The following ECM2 variants were observed in gnomAD, a reference collection of about 807,000 sequenced individuals.
ECM2 encodes the protein extracellular matrix protein 2, female organ and adipocyte specific.
A neutral mutation model predicts 67.5 loss-of-function variants in ECM2; 57 were observed. The ratio of observed to expected loss-of-function variants is 0.84; its 90% CI spans 0.68 to 1.05. The LOEUF is 1.05. Among genes scored for constraint, ECM2 ranks in the 50% least tolerant of loss-of-function variants. The probability of loss-of-function intolerance (pLI) is 0.00; values close to 1 mark genes in which losing one functional copy is unlikely to be tolerated. For synonymous variants in ECM2, 258 were observed against 294.5 expected (o/e 0.88, Z 1.27); for missense variants, 741 against 822.8 (o/e 0.90, Z 1.22).
At chr9:92,547,845 G>T in the ECM2 span, among the ~76,000 whole-genome samples, 1 of 152,170 alleles carries the variant, frequency 6.6e-6, no homozygotes, top group Non-Finnish European at 1.5e-5. Context: ...TTTAAATGGT[G>T]AAATACTGAC....
chr9:92,540,653 C>T (rs1300440944), upstream of ECM2, among the ~76,000 whole-genome samples: 1 of 151,498 alleles, frequency 6.6e-6, no homozygotes, highest in Non-Finnish European at 1.5e-5. Context: ...CGCCTGTAGT[C>T]GCAGCTACTC....
chr9:92,551,953 G>GATAT, the ECM2 span, among the ~76,000 whole-genome samples: 1 of 108,136 alleles, frequency 9.2e-6, no homozygotes, highest in African/African-American at 4.4e-5. Context: ...ATATATATAT[G>GATAT]ATATATATAT....
chr9:92,532,029 AT>A (rs201461115), intron 1 of ECM2, among the ~76,000 whole-genome samples: 1 of 91,050 alleles, frequency 1.1e-5, no homozygotes, highest in African/African-American at 5.0e-5. Flanking sequence ...TTTTTTTTTT[AT>A]TTTATTTTTT....
intron 9 of ECM2, among the ~76,000 whole-genome samples, chr9:92,499,443 A>G (rs1247029560): frequency 6.6e-6 from 1 of 152,218 alleles, no homozygotes; most frequent in African/African-American, 2.4e-5. Context: ...GTTACCTCTA[A>G]TGAAATAAGA....
At chr9:92,507,217 C>T (rs1847060993) in intron 6 of ECM2, among the ~76,000 whole-genome samples, 1 of 152,172 alleles carries the variant, frequency 6.6e-6, no homozygotes, top group Non-Finnish European at 1.5e-5. Context: ...TGCTGAGCAA[C>T]AGGAAGTAGC....
chr9:92,556,545 G>A, the ECM2 span, among the ~76,000 whole-genome samples: 4 of 152,178 alleles, frequency 2.6e-5, no homozygotes, highest in Non-Finnish European at 5.9e-5. Flanking sequence ...TTAGAATTGT[G>A]ATATTTTCCT....
chr9:92,531,006 G>A (rs1057348919), intron 1 of ECM2, among the ~76,000 whole-genome samples: 3 of 152,074 alleles, frequency 2.0e-5, no homozygotes, highest in African/African-American at 7.2e-5. Context: ...ATGTTTTGCT[G>A]TCTTTCTATA....
Position 92,514,941 on chromosome 9 carries a change from T to A in ECM2, c.744A>T (p.Gly248=), listed in dbSNP as rs536919590. Reference sequence around the variant, plus strand: ...CCTCTCCAGGCCTCTGCTTTCTGTCTCCTCCTCTGCTGTCCCCCTCACTGT... The same window carrying A: ...CCTCTCCAGGCCTCTGCTTTCTGTCACCTCCTCTGCTGTCCCCCTCACTGT... ...QLYSEGDSRG[G]DRKQRPGEER... The change falls in exon 4 of 10, where the codon GGA becomes GGT. Residue 248 remains glycine (G), a synonymous_variant. Transcript: ENST00000344604. 6.8e-6 allele frequency: 11 copies of A among 1,614,070 alleles called. No homozygotes were observed. In the East Asian group the frequency reaches 2.5e-4, roughly 36 times the overall value.
chr9:92,504,780 C>G (rs1846896376), intron 7 of ECM2, among the ~76,000 whole-genome samples: 1 of 152,196 alleles, frequency 6.6e-6, no homozygotes, highest in Non-Finnish European at 1.5e-5. Flanking sequence ...CTCAAGCCAT[C>G]TTCCTGCCTC....
At chr9:92,558,199 G>A in the ECM2 span, among the ~76,000 whole-genome samples, 3 of 152,098 alleles carry the variant, frequency 2.0e-5, no homozygotes, top group African/African-American at 7.2e-5. Flanking sequence ...TGATTTTTGG[G>A]GGATGCTGAA....
chr9:92,510,913 T>C (rs182307995), intron 5 of ECM2, among the ~76,000 whole-genome samples: 1 of 152,168 alleles, frequency 6.6e-6, no homozygotes, highest in Non-Finnish European at 1.5e-5. Context: ...AGACTCCAGA[T>C]AAGAAACAGG....
At chr9:92,528,791 A>C (rs1324004642) in intron 1 of ECM2, among the ~76,000 whole-genome samples, 1 of 152,232 alleles carries the variant, frequency 6.6e-6, no homozygotes, top group African/African-American at 2.4e-5. Context: ...ATAACTTGAC[A>C]GTGTCTCAGA....
chr9:92,543,534 C>A, the ECM2 span, among the ~76,000 whole-genome samples: 2 of 143,746 alleles, frequency 1.4e-5, no homozygotes, highest in African/African-American at 5.1e-5. Flanking sequence ...TTTTGTGATT[C>A]CTTACGAATT....
chr9:92,557,124 ATTGTT>A, the ECM2 span, among the ~76,000 whole-genome samples: 1 of 152,162 alleles, frequency 6.6e-6, no homozygotes, highest in Non-Finnish European at 1.5e-5. Context: ...TTGGCTGATA[ATTGTT>A]TTGTTTGAGG....
chr9:92,522,647 A>G lies in ECM2; in HGVS notation c.220T>C (p.Tyr74His). The change falls in exon 2 of 10, where the codon TAT becomes CAT. Residue 74 changes from tyrosine to histidine, a missense_variant. Transcript: ENST00000344604. The stretch of plus-strand genomic sequence containing the variant: ...GATTCAAACTTTTCCTCCATGCTAT[A>G]ATCAAAGTTAACAATAGGAAGTCTT... The part of the protein sequence containing the change: ...VARLPIVNFD[Y>H]SMEEKFESFS... The G allele has an allele frequency of 6.2e-7, 1 of 1,614,020 alleles. No individual in the cohort carries two copies. The highest frequency in any genetic ancestry group is 8.5e-7 in the Non-Finnish European group (1 of 1,179,984).
rs760253173 is a variant in ECM2 at position 92,522,699 on chromosome 9, C to A, written c.168G>T (p.Gln56His). Residue 56 changes from glutamine to histidine, a missense_variant, in exon 2 of 10, where the codon CAG becomes CAT. Coordinates refer to ENST00000344604, the MANE Select transcript of ECM2 (RefSeq NM_001393.4). ...CTACTGGTGTAAAAACTGTTGTTTG[C>A]TGAATTCCAAGCTGTCTGTTTGATC... Reference protein sequence around the residue: ...KHRSNRQLGIQQTTVFTPVAR... With the variant: ...KHRSNRQLGIHQTTVFTPVAR... 1 of 1,613,972 alleles carries A rather than the reference C, an allele frequency of 6.2e-7. No homozygotes were observed. Among genetic ancestry groups the A allele is most frequent in the African/African-American group, 1.3e-5 (1 of 74,890 alleles).
chr9:92,540,633 TG>T (rs753655934), upstream of ECM2, among the ~76,000 whole-genome samples: 41 of 144,614 alleles, frequency 2.8e-4, no homozygotes, highest in Non-Finnish European at 4.9e-4. Flanking sequence ...TAGCCGAGCA[TG>T]GTGGCACGCG....
intron 9 of ECM2, among the ~76,000 whole-genome samples, chr9:92,498,312 T>TG (rs1846475300): frequency 6.6e-6 from 1 of 151,962 alleles, no homozygotes; most frequent in Non-Finnish European, 1.5e-5. Flanking sequence ...TCATAGACGT[T>TG]GGGGGAGGGA....
the ECM2 span, among the ~76,000 whole-genome samples, chr9:92,552,464 G>T: frequency 6.6e-6 from 1 of 152,132 alleles, no homozygotes; most frequent in Non-Finnish European, 1.5e-5. Flanking sequence ...CCCACCAGCA[G>T]TGTAGAAGTG....
Sources: allele counts gnomAD v4.1 joint callset (sites outside exome capture counted in the v4.1 genomes callset), GRCh38; gene constraint gnomAD v4.1.1; transcripts MANE v1.5; gene names NCBI Gene and HGNC (gene_info 2026-07-23, HGNC 2026-07-21).